Variants in BDH1 observed in about 807,000 individuals in gnomAD.
The protein encoded by BDH1 is D-beta-hydroxybutyrate dehydrogenase, mitochondrial.
BDH1 carries 30 observed loss-of-function variants against 33.1 expected under a neutral mutation model. That is an observed-to-expected ratio of 0.91 (90% confidence interval 0.68 to 1.23). The LOEUF (loss-of-function observed/expected upper bound fraction) is 1.23. BDH1 is among the 50% of genes most tolerant of loss of function. BDH1 has a pLI of 0.00. For missense variants in BDH1, 443 were observed against 464.4 expected (o/e 0.95, Z 0.42); for synonymous variants, 190 against 183.6 (o/e 1.03, Z -0.28).
In BDH1 at chr3:197,522,710, A is replaced by G. The variant is rs1307210529; in HGVS notation, c.339T>C (p.Asn113=). 1.9e-6 allele frequency: 3 copies of G among 1,614,168 alleles called. No homozygotes were observed. The highest frequency in any genetic ancestry group is 3.3e-5 in the Admixed American group (2 of 60,028). ...TCTCCACCTCTTCGCTGCTGCAGACATTGAGCTGGACGGTTCTCAATCGGT... is the reference window on the plus strand; with the variant it reads ...TCTCCACCTCTTCGCTGCTGCAGACGTTGAGCTGGACGGTTCTCAATCGGT... ...NSDRLRTVQL[N]VCSSEEVEKV... The change falls in exon 6 of 8, where the codon AAT becomes AAC. Residue 113 remains asparagine, a synonymous_variant. Transcript: ENST00000392379. This position sits in a 1 kb window ranked among gnomAD's most constrained non-coding sequence, Gnocchi z 4.8.
rs1403489972 is a variant in BDH1, at chr3:197,521,526, C to T, written c.409+1114G>A. On this transcript the variant is annotated intron_variant, in intron 6 of 7. Transcript: ENST00000392379. The surrounding 1 kb of genome is among the most constrained non-coding windows in gnomAD (Gnocchi z 4.9). ...CTCCCCCTCCTCTGATCCCCGAACA[C>T]TCACATTCCCAGGGGTCCCTCTGTG... is the stretch of plus-strand genomic sequence containing the variant. 2.0e-5 allele frequency among the ~76,000 whole-genome samples: 3 copies of T among 152,140 alleles called. No homozygotes were observed. Among genetic ancestry groups the T allele is most frequent in the African/African-American group, 4.8e-5 (2 of 41,426 alleles).
chr3:197,542,674 C>T (rs1715752397), intron 3 of BDH1, among the ~76,000 whole-genome samples: 1 of 152,024 alleles, frequency 6.6e-6, no homozygotes, highest in Non-Finnish European at 1.5e-5. Context: ...CAGGCACACG[C>T]CACAGGCCCG....
chr3:197,521,276 T>A lies in BDH1; in HGVS notation c.409+1364A>T, dbSNP rs1713518836. Among the ~76,000 whole-genome samples the A allele has an allele frequency of 6.6e-6, 1 of 152,090 alleles. No homozygotes were observed. Among genetic ancestry groups the A allele is most frequent in the Non-Finnish European group, 1.5e-5 (1 of 67,998 alleles). On this transcript the variant is annotated intron_variant, in intron 6 of 7. Transcript: ENST00000392379. The surrounding 1 kb of genome is among the most constrained non-coding windows in gnomAD (Gnocchi z 4.9). ...GCTGGGCGGCCCGGCTCCAGGGAGCTCCATCCCCCACTGCTGTATTCTACA... is the reference window on the plus strand; with the variant it reads ...GCTGGGCGGCCCGGCTCCAGGGAGCACCATCCCCCACTGCTGTATTCTACA...
At chr3:197,549,748 G>A (rs1247513986) in intron 2 of BDH1, among the ~76,000 whole-genome samples, 2 of 152,216 alleles carry the variant, frequency 1.3e-5, no homozygotes, top group Non-Finnish European at 2.9e-5. Flanking sequence ...ACAACTGGCA[G>A]CCTACCTAAA....
intron 5 of BDH1, chr3:197,530,379 C>T (rs1178282423): frequency 6.6e-6 from 1 of 152,070 alleles, no homozygotes; most frequent in African/African-American, 2.4e-5. Flanking sequence ...TAAAGATAAC[C>T]AGTCTGACCA....
At chr3:197,543,738 T>C (rs1204502735) in intron 3 of BDH1, among the ~76,000 whole-genome samples, 6 of 152,118 alleles carry the variant, frequency 3.9e-5, no homozygotes, top group African/African-American at 1.4e-4. Context: ...GTGCAGACCA[T>C]TCAGCGGGGA....
chr3:197,516,560 C>T lies in BDH1; in HGVS notation c.410-2144G>A, dbSNP rs963399712. ...CCTGTAACATCCCCAAGATCGCCTCCGCACCAGTGGCCCCTCAGTTCTCCT... is the reference window on the plus strand; with the variant it reads ...CCTGTAACATCCCCAAGATCGCCTCTGCACCAGTGGCCCCTCAGTTCTCCT... On this transcript the variant is annotated intron_variant, in intron 6 of 7. Coordinates refer to ENST00000392379, the MANE Select transcript of BDH1 (RefSeq NM_203314.3). This position sits in a 1 kb window ranked among gnomAD's most constrained non-coding sequence, Gnocchi z 4.2. Among the ~76,000 whole-genome samples the T allele has an allele frequency of 8.5e-5, 13 of 152,052 alleles. No individual in the cohort carries two copies. The highest frequency in any genetic ancestry group is 1.8e-4 in the Non-Finnish European group (12 of 67,990).
chr3:197,544,272 A>G (rs933888610), intron 3 of BDH1, among the ~76,000 whole-genome samples: 9 of 152,072 alleles, frequency 5.9e-5, no homozygotes, highest in African/African-American at 1.9e-4. Flanking sequence ...CGGCTGCCCA[A>G]CCACCACCCA....
At position 197,511,393 on chromosome 3, in the gene BDH1, G is replaced by C. The variant is rs534057720; in HGVS notation, c.*502C>G. ...ACACAGAGTTAGTCAGAAGATTCTCGGGCAAATGGATCCAAAACAGTCCTG... is the reference window on the plus strand; with the variant it reads ...ACACAGAGTTAGTCAGAAGATTCTCCGGCAAATGGATCCAAAACAGTCCTG... On this transcript the variant is annotated 3_prime_UTR_variant, in exon 8 of 8. Transcript: ENST00000392379. The C allele has an allele frequency of 6.4e-6, 1 of 155,136 alleles. No individual in the cohort carries two copies. The highest frequency in any genetic ancestry group is 2.4e-5 in the African/African-American group (1 of 41,482). 9.6% of individuals were successfully genotyped at this position (155,136 alleles called of 1,614,324 possible). A position where few individuals can be genotyped will look rare whatever the true frequency, so the allele number is the denominator to read the frequency against.
In BDH1 at chr3:197,511,990, T is replaced by A. The variant is rs1411455214; in HGVS notation, c.937A>T (p.Thr313Ser). Residue 313 changes from threonine (T) to serine (S), a missense_variant, in exon 8 of 8, where the codon ACC (threonine) becomes TCC (serine). Thr to Ser is a moderately conservative substitution (Grantham distance 58). Transcript: ENST00000392379. Reference protein sequence around the residue: ...THALTATTPYTRYHPMDYYWW... With the variant: ...THALTATTPYSRYHPMDYYWW... ...TAGTAGTCCATGGGGTGGTAGCGGG[T>A]GTAGGGGGTGGTGGCGGTCAGGGCG... 1 of 1,612,304 alleles carries A rather than the reference T, an allele frequency of 6.2e-7. No individual in the cohort carries two copies. Among genetic ancestry groups the A allele is most frequent in the South Asian group, 1.1e-5 (1 of 90,786 alleles).
upstream of BDH1, among the ~76,000 whole-genome samples, chr3:197,557,775 G>C (rs150800853): frequency 3.3e-3 from 509 of 152,348 alleles, 6 homozygotes; most frequent in African/African-American, 0.012. The surrounding 1 kb of genome is among the most constrained non-coding windows in gnomAD (Gnocchi z 4.6). Context: ...AGCTTCTGGA[G>C]AGCTAAGGCT....
At chr3:197,542,863 T>C (rs980059067) in intron 3 of BDH1, among the ~76,000 whole-genome samples, 4 of 152,108 alleles carry the variant, frequency 2.6e-5, no homozygotes, top group Non-Finnish European at 5.9e-5. Flanking sequence ...AAGGGGTGGC[T>C]GTGAGGTTCA....
At chr3:197,565,903 T>C (rs1316149773) in intron 1 of BDH1, among the ~76,000 whole-genome samples, 2 of 152,240 alleles carry the variant, frequency 1.3e-5, no homozygotes, top group East Asian at 1.9e-4. Context: ...AGAACTGAAA[T>C]GTTCATGAAT....
intron 2 of BDH1, among the ~76,000 whole-genome samples, chr3:197,552,058 A>T (rs955587376): frequency 1.3e-5 from 2 of 152,072 alleles, no homozygotes; most frequent in African/African-American, 4.8e-5. Context: ...TCTCCCCTGA[A>T]CTCAGACAAC....
At chr3:197,540,183 T>G (rs116615851) in intron 3 of BDH1, among the ~76,000 whole-genome samples, 2,461 of 152,070 alleles carry the variant, frequency 0.016, 65 homozygotes, top group African/African-American at 0.056. Flanking sequence ...CCCAAGTAGC[T>G]GGGATTATTA....
chr3:197,531,422 T>A (rs887045403), intron 5 of BDH1, among the ~76,000 whole-genome samples: 134 of 146,064 alleles, frequency 9.2e-4, no homozygotes, highest in African/African-American at 1.8e-3. Context: ...AAAAAAAATA[T>A]ATATATATAT....
chr3:197,531,452 T>C (rs967507145), intron 5 of BDH1, among the ~76,000 whole-genome samples: 10 of 146,378 alleles, frequency 6.8e-5, no homozygotes, highest in East Asian at 2.0e-4. Context: ...TATATATATA[T>C]ACATATATGT....
At chr3:197,539,719 C>A (rs1217423020) in intron 3 of BDH1, among the ~76,000 whole-genome samples, 1 of 152,080 alleles carries the variant, frequency 6.6e-6, no homozygotes, top group Non-Finnish European at 1.5e-5. Flanking sequence ...GTGGCCCCGA[C>A]CCAGGAACTG....
At chr3:197,565,208 C>T (rs887957749) in intron 1 of BDH1, among the ~76,000 whole-genome samples, 33 of 152,242 alleles carry the variant, frequency 2.2e-4, no homozygotes, top group African/African-American at 7.7e-4. Context: ...AGCCATGAGC[C>T]GCCGCACCCA....
Sources: gnomAD v4.1 joint callset for allele counts (sites outside exome capture counted in the v4.1 genomes callset) on GRCh38, gnomAD v4.1.1 for gene constraint, Gnocchi (gnomAD v3.1) non-coding constraint, MANE v1.5 for transcripts, NCBI Gene and HGNC (gene_info 2026-07-23, HGNC 2026-07-21) for gene names.